The following FAR2 variants were observed in gnomAD, a reference collection of about 807,000 sequenced individuals.
FAR2 encodes fatty acyl-CoA reductase 2, also known as epididymis secretory protein Li 81.
A neutral mutation model predicts 56.0 loss-of-function variants in FAR2; 19 were observed. The ratio of observed to expected loss-of-function variants is 0.34; its 90% CI spans 0.24 to 0.50. The LOEUF is 0.50. Among genes scored for constraint, FAR2 ranks in the 20% least tolerant of loss-of-function variants. FAR2 has a pLI of 0.98. For synonymous variants in FAR2, 219 were observed against 218.8 expected, an observed-to-expected ratio of 1.00 and a Z score of -0.01; for missense variants, 508 against 642.2, an observed-to-expected ratio of 0.79 and a Z score of 2.26.
chr12:29,237,750 C>G (rs1193665821), intron 1 of FAR2, among the ~76,000 whole-genome samples: 1 of 152,152 alleles, frequency 6.6e-6, no homozygotes, highest in East Asian at 1.9e-4. Context: ...AAATAACAGA[C>G]AGCATTTTTG....
chr12:29,333,552 G>T, intron 11 of FAR2, 80 bp from the exon 12 acceptor site: 1 of 1,340,646 alleles, frequency 7.5e-7, no homozygotes, highest in Non-Finnish European at 1.0e-6. Context: ...GTCATATCCA[G>T]GAAAACACAT....
chr12:29,193,770 C>A (rs1442934482), intron 1 of FAR2, among the ~76,000 whole-genome samples: 1 of 152,182 alleles, frequency 6.6e-6, no homozygotes, highest in Admixed American at 6.5e-5. Context: ...TACCAAGGAG[C>A]ATAATTGCTG....
At chr12:29,167,695 C>T (rs1224745043) in intron 1 of FAR2, among the ~76,000 whole-genome samples, 3 of 152,200 alleles carry the variant, frequency 2.0e-5, no homozygotes, top group Non-Finnish European at 2.9e-5. Flanking sequence ...AATGCCTCCA[C>T]GGAGTTGTCA....
chr12:29,253,481 A>G (rs574282033), intron 1 of FAR2, among the ~76,000 whole-genome samples: 2 of 151,968 alleles, frequency 1.3e-5, no homozygotes, highest in South Asian at 4.2e-4. Context: ...ATCTATGTAT[A>G]TGTATTGGTC....
chr12:29,169,930 A>G (rs1318854467), intron 1 of FAR2, among the ~76,000 whole-genome samples: 1 of 152,214 alleles, frequency 6.6e-6, no homozygotes, highest in African/African-American at 2.4e-5. Context: ...CAGATAGGGT[A>G]TGATTTCCGT....
chr12:29,246,081 TA>T (rs1461875309), intron 1 of FAR2, among the ~76,000 whole-genome samples: 3 of 151,784 alleles, frequency 2.0e-5, no homozygotes, highest in Admixed American at 6.6e-5. Flanking sequence ...TATAGTTTTA[TA>T]TTTTTTTAAT....
intron 2 of FAR2, among the ~76,000 whole-genome samples, chr12:29,287,587 C>T (rs946678101): frequency 1.3e-5 from 2 of 150,974 alleles, no homozygotes; most frequent in African/African-American, 4.9e-5. Context: ...AGAGATTGCC[C>T]CTTAGTTTAA....
intron 1 of FAR2, among the ~76,000 whole-genome samples, chr12:29,244,555 T>C (rs1948093994): frequency 6.6e-6 from 1 of 152,190 alleles, no homozygotes; most frequent in Non-Finnish European, 1.5e-5. Flanking sequence ...CATTCAGCCA[T>C]TACTAGTGTG....
intron 9 of FAR2, among the ~76,000 whole-genome samples, chr12:29,320,456 TAAG>T (rs1949532667): frequency 6.6e-6 from 1 of 152,216 alleles, no homozygotes; most frequent in African/African-American, 2.4e-5. Flanking sequence ...ACCTCATGCC[TAAG>T]AAATTTCCTA....
chr12:29,256,147 C>G (rs1401560660), intron 1 of FAR2, among the ~76,000 whole-genome samples: 1 of 151,986 alleles, frequency 6.6e-6, no homozygotes, highest in African/African-American at 2.4e-5. Flanking sequence ...GCTAGGATTA[C>G]AAGCGTGAGC....
rs146455786 is a variant in FAR2, at chr12:29,205,246, G to A, written c.-39+55839G>A. 1.5e-3 allele frequency among the ~76,000 whole-genome samples: 231 copies of A among 152,222 alleles called. 1 individual carries two copies. In the South Asian group the frequency reaches 0.021, roughly 14 times the overall value. Reference sequence around the variant, plus strand: ...GTCCAGGAAATAGTACTTGTTTGTCGCTTACCAGATCTGAATTATTACAGA... The same window carrying A: ...GTCCAGGAAATAGTACTTGTTTGTCACTTACCAGATCTGAATTATTACAGA... On this transcript the variant is annotated intron_variant, in intron 1 of 11. Coordinates refer to ENST00000536681, the MANE Select transcript of FAR2 (RefSeq NM_001271783.2).
At chr12:29,320,467 C>G (rs1244760139) in intron 9 of FAR2, among the ~76,000 whole-genome samples, 2 of 152,120 alleles carry the variant, frequency 1.3e-5, no homozygotes, top group African/African-American at 4.8e-5. Context: ...AAGAAATTTC[C>G]TATGATACAG....
At chr12:29,269,465 G>C (rs1215615629) in intron 1 of FAR2, among the ~76,000 whole-genome samples, 1 of 152,052 alleles carries the variant, frequency 6.6e-6, no homozygotes, top group Non-Finnish European at 1.5e-5. Context: ...TACAATTTGT[G>C]CAGTTAATGC....
Position 29,293,327 on chromosome 12 carries a change from C to A in FAR2, c.217C>A (p.Pro73Thr), listed in dbSNP as rs374940611. 39 of 1,590,152 alleles carry A rather than the reference C, an allele frequency of 2.5e-5. No homozygotes were observed. The highest frequency in any genetic ancestry group is 5.5e-5 in the Admixed American group (3 of 54,426). ...KLFEKVKEVC[P>T]NVHEKIRAIY... ...ATTTGAGAAAGTCAAAGAAGTTTGT[C>A]CAAATGTGCATGAGAAGATCAGAGC... is the stretch of plus-strand genomic sequence containing the variant. Residue 73 changes from proline (P) to threonine (T), a missense_variant, in exon 3 of 12, where the codon CCA becomes ACA. Physicochemically the swap from Pro to Thr is conservative, Grantham distance 38. Transcript: ENST00000536681.
At chr12:29,232,648 A>T (rs1947876475) in intron 1 of FAR2, among the ~76,000 whole-genome samples, 1 of 152,038 alleles carries the variant, frequency 6.6e-6, no homozygotes, top group Non-Finnish European at 1.5e-5. Context: ...TGGTCAGGCC[A>T]TCTGATTATT....
chr12:29,293,790 C>A (rs928798522), intron 3 of FAR2, among the ~76,000 whole-genome samples: 3 of 151,982 alleles, frequency 2.0e-5, no homozygotes, highest in Non-Finnish European at 2.9e-5. Flanking sequence ...AATAAATATT[C>A]TATTATAATT....
chr12:29,324,416 C>T (rs1353880491), intron 10 of FAR2, among the ~76,000 whole-genome samples: 4 of 152,054 alleles, frequency 2.6e-5, no homozygotes, highest in African/African-American at 9.7e-5. Context: ...AGATACTCCT[C>T]GAGAAGAGCA....
chr12:29,316,716 T>C, intron 8 of FAR2, 125 bp from the exon 9 acceptor site: 1 of 943,274 alleles, frequency 1.1e-6, no homozygotes, highest in Non-Finnish European at 1.6e-6. Context: ...TTCTCAGAAA[T>C]TGATTCTTGA....
At chr12:29,233,991 T>C (rs1041609066) in intron 1 of FAR2, among the ~76,000 whole-genome samples, 3 of 152,208 alleles carry the variant, frequency 2.0e-5, no homozygotes, top group African/African-American at 7.2e-5. Context: ...TTTCACTTAG[T>C]TCTTCTGCCC....
Sources: allele counts gnomAD v4.1 joint callset (sites outside exome capture counted in the v4.1 genomes callset), GRCh38; gene constraint gnomAD v4.1.1; transcripts MANE v1.5; gene names NCBI Gene and HGNC (gene_info 2026-07-23, HGNC 2026-07-21).